The following MYRIP variants were observed in gnomAD, a reference collection of about 807,000 sequenced individuals.
The protein encoded by MYRIP is myosin VIIA and Rab interacting protein.
In MYRIP, 49 loss-of-function variants were observed where a neutral mutation model predicts 98.0. The ratio of observed to expected loss-of-function variants is 0.50; its 90% CI spans 0.40 to 0.63. MYRIP has a LOEUF of 0.63. MYRIP is among the 30% of genes least tolerant of loss of function. The probability of loss-of-function intolerance (pLI) is 0.00; values close to 1 mark genes in which losing one functional copy is unlikely to be tolerated. For missense variants in MYRIP, 1,004 were observed against 1,058.2 expected (o/e 0.95, Z 0.71); for synonymous variants, 404 against 409.5 (o/e 0.99, Z 0.16).
intron 1 of MYRIP, among the ~76,000 whole-genome samples, chr3:39,816,165 T>C (rs1426228061): frequency 6.6e-6 from 1 of 151,882 alleles, no homozygotes; most frequent in Non-Finnish European, 1.5e-5. Flanking sequence ...CACTGCAAGC[T>C]CCGCCTCCTG....
intron 1 of MYRIP, among the ~76,000 whole-genome samples, chr3:39,839,923 G>C (rs1941745745): frequency 6.6e-6 from 1 of 152,120 alleles, no homozygotes; most frequent in Non-Finnish European, 1.5e-5. Flanking sequence ...AGTGCTATGT[G>C]GTACTGAGAA....
intron 2 of MYRIP, among the ~76,000 whole-genome samples, chr3:39,958,642 A>C (rs184861757): frequency 0.021 from 3,158 of 152,242 alleles, 103 homozygotes; most frequent in African/African-American, 0.073. Context: ...GTCTAAAACA[A>C]CAAAATCAAT....
At chr3:40,206,918 T>C (rs1037030225) in intron 10 of MYRIP, among the ~76,000 whole-genome samples, 1 of 152,234 alleles carries the variant, frequency 6.6e-6, no homozygotes, top group Non-Finnish European at 1.5e-5. Flanking sequence ...TTTCATTGTC[T>C]GTATATTCAA....
At chr3:40,156,597 T>A (rs1489175101) in intron 4 of MYRIP, among the ~76,000 whole-genome samples, 1 of 151,934 alleles carries the variant, frequency 6.6e-6, no homozygotes, top group African/African-American at 2.4e-5. Flanking sequence ...ATGGCCATTT[T>A]CACGATATTG....
At chr3:39,925,162 G>T (rs957704790) in intron 2 of MYRIP, among the ~76,000 whole-genome samples, 12 of 151,604 alleles carry the variant, frequency 7.9e-5, no homozygotes, top group Non-Finnish European at 1.0e-4. Context: ...ATGAAACAAA[G>T]TCTGGTTCCT....
chr3:40,099,419 G>A (rs1359829757), intron 3 of MYRIP, among the ~76,000 whole-genome samples: 7 of 152,192 alleles, frequency 4.6e-5, no homozygotes, highest in Non-Finnish European at 8.8e-5. Flanking sequence ...AAACCAGGGT[G>A]AAGGTGAGGA....
intron 2 of MYRIP, among the ~76,000 whole-genome samples, chr3:39,974,763 A>G (rs922999508): frequency 1.3e-5 from 2 of 152,164 alleles, no homozygotes; most frequent in African/African-American, 4.8e-5. Flanking sequence ...ATCAATAAAC[A>G]TAATCCAGCA....
intron 4 of MYRIP, among the ~76,000 whole-genome samples, chr3:40,159,722 C>G (rs549644008): frequency 5.3e-5 from 8 of 152,086 alleles, no homozygotes; most frequent in Middle Eastern, 3.4e-3. Context: ...CTAAACTTCC[C>G]TTCTCACTTC....
chr3:40,240,416 C>T (rs191246636), intron 12 of MYRIP, among the ~76,000 whole-genome samples: 6 of 152,226 alleles, frequency 3.9e-5, no homozygotes, highest in African/African-American at 1.4e-4. Context: ...AGACAGTGGG[C>T]GCAGGTCAGT....
rs1575279060 is a variant in MYRIP at position 39,827,841 on chromosome 3, A to G, written c.-31+17925A>G. ...GATTTTATTTATCCTTCAATTCTGA[A>G]GGATAGCTTTGCCGAATATAATATT... On this transcript the variant is annotated intron_variant, in intron 1 of 16. Transcript: ENST00000302541. Among the ~76,000 whole-genome samples the G allele has an allele frequency of 3.3e-5, 5 of 151,986 alleles. No homozygotes were observed. In the South Asian group the frequency reaches 8.3e-4, roughly 25 times the overall value.
chr3:39,870,006 C>T (rs1440905282), intron 1 of MYRIP, among the ~76,000 whole-genome samples: 1 of 152,020 alleles, frequency 6.6e-6, no homozygotes, highest in African/African-American at 2.4e-5. Flanking sequence ...GGGGAGTTGC[C>T]TAGGTGAAAT....
At chr3:39,815,518 T>A (rs903127802) in intron 1 of MYRIP, among the ~76,000 whole-genome samples, 2 of 152,170 alleles carry the variant, frequency 1.3e-5, no homozygotes, top group African/African-American at 4.8e-5. Flanking sequence ...CTCCTCTAGC[T>A]ACATTTTTAA....
At chr3:40,130,502 C>T (rs1156375405) in intron 3 of MYRIP, among the ~76,000 whole-genome samples, 2 of 151,712 alleles carry the variant, frequency 1.3e-5, no homozygotes, top group Non-Finnish European at 2.9e-5. Flanking sequence ...CTCAGCCTCC[C>T]GAGTAGCTGG....
intron 1 of MYRIP, among the ~76,000 whole-genome samples, chr3:39,859,722 C>T (rs887880995): frequency 1.3e-5 from 2 of 152,108 alleles, no homozygotes; most frequent in Admixed American, 6.5e-5. Flanking sequence ...TCAACATATA[C>T]AAATCAGTAA....
chr3:40,059,354 C>T (rs1316525861), intron 3 of MYRIP, among the ~76,000 whole-genome samples: 1 of 152,180 alleles, frequency 6.6e-6, no homozygotes, highest in Non-Finnish European at 1.5e-5. Context: ...TGAGGAATTG[C>T]CACACTGTCT....
intron 1 of MYRIP, among the ~76,000 whole-genome samples, chr3:39,836,586 C>T (rs1941633653): frequency 6.6e-6 from 1 of 152,094 alleles, no homozygotes; most frequent in Admixed American, 6.5e-5. Context: ...GGGAGTCTGT[C>T]CCTTGCAGAC....
chr3:39,998,509 C>T (rs1193414458), intron 2 of MYRIP, among the ~76,000 whole-genome samples: 4 of 152,188 alleles, frequency 2.6e-5, no homozygotes, highest in Non-Finnish European at 4.4e-5. Flanking sequence ...CTACAAACCA[C>T]TGCTCAATGA....
At chr3:40,095,099 C>T (rs200016492) in intron 3 of MYRIP, among the ~76,000 whole-genome samples, 1 of 152,146 alleles carries the variant, frequency 6.6e-6, no homozygotes, top group East Asian at 1.9e-4. Flanking sequence ...CAGCCCCACC[C>T]GAGAGCAAGA....
chr3:40,034,831 C>T lies in MYRIP; in HGVS notation c.111-9219C>T, dbSNP rs201152735. The stretch of plus-strand genomic sequence containing the variant: ...AAGACTTGGAACCAACCCAAATGTC[C>T]AACAATGATAGAGTGGATTAAGAAA... On this transcript the variant is annotated intron_variant, in intron 2 of 16. Transcript: ENST00000302541. Among the ~76,000 whole-genome samples the T allele has an allele frequency of 8.6e-5, 13 of 151,762 alleles. No homozygotes were observed. In the East Asian group the frequency reaches 1.9e-3, roughly 23 times the overall value.
Sources: gnomAD v4.1 joint callset for allele counts (sites outside exome capture counted in the v4.1 genomes callset) on GRCh38, gnomAD v4.1.1 for gene constraint, MANE v1.5 for transcripts, NCBI Gene and HGNC (gene_info 2026-07-23, HGNC 2026-07-21) for gene names.